The following TESK2 variants were observed in gnomAD, a reference collection of about 807,000 sequenced individuals.
TESK2 encodes testis associated actin remodelling kinase 2.
In TESK2, 39 loss-of-function variants were observed where a neutral mutation model predicts 57.1. The observed-to-expected ratio is 0.68, with a 90% CI of 0.53 to 0.89. The LOEUF (loss-of-function observed/expected upper bound fraction) is 0.89. TESK2 is among the 40% of genes least tolerant of loss of function. The pLI, the probability that TESK2 is intolerant of heterozygous loss-of-function variation, is 0.00. For missense variants in TESK2, 646 were observed against 732.1 expected, an observed-to-expected ratio of 0.88 and a Z score of 1.36; for synonymous variants, 249 against 267.9, an observed-to-expected ratio of 0.93 and a Z score of 0.69.
At position 45,345,034 on chromosome 1, in the gene TESK2, G is replaced by T; in HGVS notation, c.1522C>A (p.Gln508Lys). ...GAGCAGTCCATAGCCTCATGGGCTT[G>T]AGCAGCTGGTAGGGCAGATGCCCGG... The part of the protein sequence containing the change: ...PFRASALPAA[Q>K]AHEAMDCSIL... The change falls in exon 11 of 11, where the codon CAA becomes AAA. Residue 508 changes from glutamine to lysine, a missense_variant. Physicochemically the swap from Gln to Lys is moderately conservative, Grantham distance 53. Coordinates refer to ENST00000372086, the MANE Select transcript of TESK2 (RefSeq NM_007170.3). 1 of 1,614,246 alleles carries T rather than the reference G, an allele frequency of 6.2e-7. No individual in the cohort carries two copies. The highest frequency in any genetic ancestry group is 8.5e-7 in the Non-Finnish European group (1 of 1,180,044).
At chr1:45,470,289 C>T (rs563325409) in intron 1 of TESK2, among the ~76,000 whole-genome samples, 1 of 152,126 alleles carries the variant, frequency 6.6e-6, no homozygotes, top group Non-Finnish European at 1.5e-5. Flanking sequence ...GTATCAATAC[C>T]AAACACATGG....
Position 45,456,197 on chromosome 1 carries a change from AAAAATAAAAT to A in TESK2, c.222+1357_222+1366del, listed in dbSNP as rs202094471. Reference sequence around the variant, plus strand: ...GGTGACAGAGCGAAACCCTGTCTCAAAAAATAAAATAAAATAAAATAAAATAATAGAATAA... The same window carrying A: ...GGTGACAGAGCGAAACCCTGTCTCAAAAAATAAAATAAAATAATAGAATAA... On this transcript the variant is annotated intron_variant, in intron 2 of 10. Coordinates refer to ENST00000372086, the MANE Select transcript of TESK2 (RefSeq NM_007170.3). Among the ~76,000 whole-genome samples the A allele has an allele frequency of 7.5e-4, 113 of 150,270 alleles. 1 individual carries two copies. Among genetic ancestry groups the A allele is most frequent in the South Asian group, 5.3e-3 (25 of 4,674 alleles).
chr1:45,482,808 T>C (rs1055695218), intron 1 of TESK2, among the ~76,000 whole-genome samples: 4 of 151,678 alleles, frequency 2.6e-5, no homozygotes, highest in African/African-American at 9.7e-5. Context: ...GGTGAAACCC[T>C]GTCTCTACTA....
chr1:45,346,714 T>C lies in TESK2; in HGVS notation c.858A>G (p.Gln286=), dbSNP rs1275623522. Reference sequence around the variant, plus strand: ...TCACGTTACAGCAGTTGAAAGTAAGTTGCAGAAAATCTGGGGGACAGTCTC... The same window carrying C: ...TCACGTTACAGCAGTTGAAAGTAAGCTGCAGAAAATCTGGGGGACAGTCTC... The part of the protein sequence containing the change: ...MVGDCPPDFL[Q]LTFNCCNMDP... Residue 286 remains glutamine (Q), a synonymous_variant, in exon 9 of 11, where the codon CAA becomes CAG. Coordinates refer to ENST00000372086, the MANE Select transcript of TESK2 (RefSeq NM_007170.3). 15 of 1,613,762 alleles carry C rather than the reference T, an allele frequency of 9.3e-6. No individual in the cohort carries two copies. The Admixed American group carries it at 1.3e-4, about 14-fold the overall frequency.
In TESK2 at chr1:45,347,683, C is replaced by T; in HGVS notation, c.634G>A (p.Glu212Lys). ...GGGGAACCCACCACGGCCAGCTTCT[C>T]ACTCCCCATGCTGTGGGGTGAGATT... ...EKIPDVSMGS[E>K]KLAVVGSPFW... The change falls in exon 7 of 11, where the codon GAG (glutamate) becomes AAG (lysine). Residue 212 changes from glutamate to lysine, a missense_variant. Transcript: ENST00000372086. 1 of 1,614,192 alleles carries T rather than the reference C, an allele frequency of 6.2e-7. No homozygotes were observed. The highest frequency in any genetic ancestry group is 2.2e-5 in the East Asian group (1 of 44,882).
chr1:45,459,098 G>A (rs1424356990), intron 1 of TESK2, among the ~76,000 whole-genome samples: 2 of 152,186 alleles, frequency 1.3e-5, no homozygotes, highest in Non-Finnish European at 2.9e-5. Flanking sequence ...CTTACCCATT[G>A]CCAGAAGTCA....
At chr1:45,421,894 T>C (rs756828366) in intron 2 of TESK2, 48 bp from the exon 3 acceptor site, 4 of 1,599,128 alleles carry the variant, frequency 2.5e-6, no homozygotes, top group Admixed American at 1.7e-5. Context: ...GCAATAGTTA[T>C]ATGTGAGGTC....
At chr1:45,451,931 G>C (rs1422175052) in intron 2 of TESK2, among the ~76,000 whole-genome samples, 1 of 150,614 alleles carries the variant, frequency 6.6e-6, no homozygotes, top group Admixed American at 6.7e-5. Context: ...TACTCAGAAG[G>C]CTGAAGCAGG....
At chr1:45,464,534 C>T (rs539718542) in intron 1 of TESK2, among the ~76,000 whole-genome samples, 90 of 152,166 alleles carry the variant, frequency 5.9e-4, no homozygotes, top group African/African-American at 2.0e-3. Context: ...AATGGGATTA[C>T]CTTCCTGATT....
At chr1:45,376,642 A>G (rs977947428) in intron 4 of TESK2, among the ~76,000 whole-genome samples, 4 of 152,150 alleles carry the variant, frequency 2.6e-5, no homozygotes, top group Admixed American at 2.0e-4. Flanking sequence ...CCAGCCACAC[A>G]GAGTATTATT....
At chr1:45,367,571 A>G (rs1647980343) in intron 4 of TESK2, among the ~76,000 whole-genome samples, 1 of 151,984 alleles carries the variant, frequency 6.6e-6, no homozygotes, top group African/African-American at 2.4e-5. Context: ...TTGCTATCCA[A>G]ATCCTGACCT....
intron 4 of TESK2, among the ~76,000 whole-genome samples, chr1:45,378,002 G>A (rs936550432): frequency 1.8e-4 from 28 of 151,798 alleles, no homozygotes; most frequent in African/African-American, 6.5e-4. Context: ...CTCCAGCCTG[G>A]GTGACAGAGC....
chr1:45,425,463 G>A (rs1159438183), intron 2 of TESK2, among the ~76,000 whole-genome samples: 1 of 151,974 alleles, frequency 6.6e-6, no homozygotes, highest in Admixed American at 6.6e-5. Context: ...GACCAGCCTG[G>A]GCAACATAGT....
chr1:45,474,306 G>A (rs760969090), intron 1 of TESK2, among the ~76,000 whole-genome samples: 30 of 152,008 alleles, frequency 2.0e-4, no homozygotes, highest in Non-Finnish European at 1.5e-4. Context: ...TCTAGCCTGG[G>A]TGATGGAGTG....
rs899856316 is a variant in TESK2, at chr1:45,464,402, C to T, written c.-86-6531G>A. Among the ~76,000 whole-genome samples, 5 of 143,716 alleles carry T rather than the reference C, an allele frequency of 3.5e-5. No homozygotes were observed. The East Asian group carries it at 8.0e-4, about 23-fold the overall frequency. 94.3% of individuals were successfully genotyped at this position (143,716 alleles called of 152,430 possible). ...TCACATCACTGCACTCCAGCCTTGGCGACAGAGCAAGACACTGGATAAAAA... is the reference window on the plus strand; with the variant it reads ...TCACATCACTGCACTCCAGCCTTGGTGACAGAGCAAGACACTGGATAAAAA... On this transcript the variant is annotated intron_variant, in intron 1 of 10. Coordinates refer to ENST00000372086, the MANE Select transcript of TESK2 (RefSeq NM_007170.3).
intron 3 of TESK2, among the ~76,000 whole-genome samples, chr1:45,397,831 TAAC>T (rs1649429842): frequency 1.3e-5 from 2 of 152,174 alleles, no homozygotes; most frequent in South Asian, 4.1e-4. Flanking sequence ...CACCTCCAAA[TAAC>T]AACAACAATA....
intron 1 of TESK2, among the ~76,000 whole-genome samples, chr1:45,472,359 A>T (rs113643583): frequency 0.016 from 2,364 of 151,458 alleles, 40 homozygotes; most frequent in African/African-American, 0.041. Flanking sequence ...AGAGTTCGAG[A>T]CCAGCCTGGC....
intron 3 of TESK2, among the ~76,000 whole-genome samples, chr1:45,418,139 A>G (rs763099187): frequency 6.6e-6 from 1 of 152,100 alleles, no homozygotes; most frequent in Non-Finnish European, 1.5e-5. Context: ...GGCAAGTTTT[A>G]TTTTCTTTTT....
chr1:45,446,119 A>G (rs559702649), intron 2 of TESK2, among the ~76,000 whole-genome samples: 1 of 151,930 alleles, frequency 6.6e-6, no homozygotes, highest in Admixed American at 6.6e-5. Flanking sequence ...GAAATAAATC[A>G]TTTTAATACC....
Sources: allele counts gnomAD v4.1 joint callset (sites outside exome capture counted in the v4.1 genomes callset), GRCh38; gene constraint gnomAD v4.1.1; transcripts MANE v1.5; gene names NCBI Gene and HGNC (gene_info 2026-07-23, HGNC 2026-07-21).